Variants in ADAMTS9 observed in about 807,000 individuals in gnomAD.
ADAMTS9 encodes ADAM metallopeptidase with thrombospondin type 1 motif 9.
In ADAMTS9, 107 loss-of-function variants were observed where a neutral mutation model predicts 257.1. The ratio of observed to expected loss-of-function variants is 0.42; its 90% CI spans 0.36 to 0.49. The LOEUF is 0.49. Among genes scored for constraint, ADAMTS9 ranks in the 20% least tolerant of loss-of-function variants. ADAMTS9 has a pLI of 0.03. For synonymous variants in ADAMTS9, 982 were observed against 880.9 expected (o/e 1.11, Z -2.03); for missense variants, 2,353 against 2,469.1 (o/e 0.95, Z 1.00).
At chr3:64,589,339 C>T (rs2084217113) in intron 28 of ADAMTS9, 2 of 152,170 alleles carry the variant, frequency 1.3e-5, no homozygotes, top group African/African-American at 4.8e-5. Context: ...GTTTTAGGCA[C>T]ATCCTTTATG....
At chr3:64,606,257 T>C (rs1014504005) in intron 23 of ADAMTS9, among the ~76,000 whole-genome samples, 3 of 152,240 alleles carry the variant, frequency 2.0e-5, no homozygotes, top group Non-Finnish European at 4.4e-5. Context: ...TCTCCATTAC[T>C]TTCTTAAGTC....
chr3:64,657,467 C>T (rs1485988641), intron 4 of ADAMTS9, among the ~76,000 whole-genome samples: 1 of 151,766 alleles, frequency 6.6e-6, no homozygotes, highest in Non-Finnish European at 1.5e-5. Context: ...TCCCGAGCAC[C>T]TGAGCCTACT....
intron 28 of ADAMTS9, among the ~76,000 whole-genome samples, chr3:64,570,811 T>C (rs532748554): frequency 6.6e-6 from 1 of 151,702 alleles, no homozygotes; most frequent in South Asian, 2.1e-4. Flanking sequence ...GTTTCTGGTT[T>C]GGGCAATTGG....
chr3:64,678,834 G>A lies in ADAMTS9; in HGVS notation c.679+2367C>T, dbSNP rs372993461. On this transcript the variant is annotated intron_variant, in intron 3 of 39. Coordinates refer to ENST00000498707, the MANE Select transcript of ADAMTS9 (RefSeq NM_182920.2). ...GAAGCTGCATCTGAATTCAAAGAAGGGGTGCAGAAGTAGCTGGAAGAGAGA... is the reference window on the plus strand; with the variant it reads ...GAAGCTGCATCTGAATTCAAAGAAGAGGTGCAGAAGTAGCTGGAAGAGAGA... Among the ~76,000 whole-genome samples the A allele has an allele frequency of 2.4e-4, 37 of 152,292 alleles. No individual in the cohort carries two copies. The East Asian group carries it at 3.9e-3, about 16-fold the overall frequency.
rs190130240 is a variant in ADAMTS9, at chr3:64,632,698, A to G, written c.2176-773T>C. On this transcript the variant is annotated intron_variant, in intron 14 of 39. Transcript: ENST00000498707. ...GAACTAATCTTTGAGGAAAAACTCA[A>G]TGTGTTGCTGTGAAATGGACAGACA... is the stretch of plus-strand genomic sequence containing the variant. Among the ~76,000 whole-genome samples, 7 of 152,326 alleles carry G rather than the reference A, an allele frequency of 4.6e-5. No homozygotes were observed. The East Asian group carries it at 1.4e-3, about 29-fold the overall frequency.
intron 28 of ADAMTS9, among the ~76,000 whole-genome samples, chr3:64,581,622 G>A (rs1270560452): frequency 2.6e-5 from 4 of 152,126 alleles, no homozygotes; most frequent in African/African-American, 4.8e-5. Context: ...TAGAATTACC[G>A]GTAAGATTAC....
In ADAMTS9 at chr3:64,602,001, G is replaced by T; in HGVS notation, c.3960C>A (p.Ser1320Arg). Reference sequence around the variant, plus strand: ...CACCGAGCACATGGGTGCGGCTGGGGCTGGCGCTCCGGGGACGATAGTCCT... The same window carrying T: ...CACCGAGCACATGGGTGCGGCTGGGTCTGGCGCTCCGGGGACGATAGTCCT... ...QNEDYRPRSA[S>R]PSRTHVLGGN... The change falls in exon 26 of 40, where the codon AGC (serine) becomes AGA (arginine). Residue 1320 changes from serine (S) to arginine (R), a missense_variant. This residue lies in a region of ADAMTS9 where 1,402 missense variants were observed against 1,441.4 expected (regional missense o/e 0.97). Coordinates refer to ENST00000498707, the MANE Select transcript of ADAMTS9 (RefSeq NM_182920.2). 1.2e-6 allele frequency: 2 copies of T among 1,614,014 alleles called. No individual in the cohort carries two copies. The highest frequency in any genetic ancestry group is 1.7e-6 in the Non-Finnish European group (2 of 1,179,940).
At chr3:64,550,843 T>C (rs773211920) in intron 31 of ADAMTS9, 49 bp downstream of exon 31, 3 of 1,606,656 alleles carry the variant, frequency 1.9e-6, no homozygotes, top group South Asian at 2.2e-5. Flanking sequence ...CCTCTGCCAC[T>C]CTCAGGCCAT....
chr3:64,686,548 G>A lies in ADAMTS9; in HGVS notation c.516+20C>T. On this transcript the variant is annotated intron_variant, in intron 2 of 39. Transcript: ENST00000498707. This position sits in a 1 kb window ranked among gnomAD's most constrained non-coding sequence, Gnocchi z 4.6. The stretch of plus-strand genomic sequence containing the variant: ...GGCGAGGAGGCGGAAGGGGAGAGGA[G>A]GTGGCGCGCGCCCACTTACCATTCC... The A allele has an allele frequency of 6.3e-7, 1 of 1,579,210 alleles. No homozygotes were observed. The highest frequency in any genetic ancestry group is 8.6e-7 in the Non-Finnish European group (1 of 1,161,758).
intron 25 of ADAMTS9, 137 bp from the exon 26 acceptor site, chr3:64,602,350 C>T (rs557984295): frequency 3.2e-6 from 3 of 929,156 alleles, no homozygotes; most frequent in African/African-American, 1.7e-5. Flanking sequence ...ACCCTTGTCT[C>T]CTCTTTTTTT....
At chr3:64,619,714 A>C (rs1700058678) in intron 19 of ADAMTS9, among the ~76,000 whole-genome samples, 3 of 152,274 alleles carry the variant, frequency 2.0e-5, no homozygotes, top group South Asian at 4.2e-4. Context: ...GGTTGACTCT[A>C]TTACCATAAC....
intron 4 of ADAMTS9, among the ~76,000 whole-genome samples, chr3:64,658,097 G>A (rs2106968120): frequency 6.6e-6 from 1 of 152,124 alleles, no homozygotes; most frequent in South Asian, 2.1e-4. Flanking sequence ...AAAAAGCATT[G>A]GTTTTCGGAA....
chr3:64,631,351 A>G (rs759409747), intron 16 of ADAMTS9, 104 bp downstream of exon 16: 77 of 879,028 alleles, frequency 8.8e-5, no homozygotes, highest in Non-Finnish European at 1.4e-4. Flanking sequence ...AAAATCCATG[A>G]CATCTGAAAG....
At chr3:64,628,174 G>A (rs1260933448) in intron 16 of ADAMTS9, among the ~76,000 whole-genome samples, 1 of 152,164 alleles carries the variant, frequency 6.6e-6, no homozygotes, top group Non-Finnish European at 1.5e-5. Context: ...CAGATTGCCT[G>A]TGCCAGATGA....
At position 64,604,265 on chromosome 3, in the gene ADAMTS9, C is replaced by T. The variant is rs960723747; in HGVS notation, c.3541G>A (p.Ala1181Thr). 2 of 1,613,610 alleles carry T rather than the reference C, an allele frequency of 1.2e-6. No individual in the cohort carries two copies. The highest frequency in any genetic ancestry group is 1.7e-6 in the Non-Finnish European group (2 of 1,179,858). The change falls in exon 24 of 40, where the codon GCA becomes ACA. Residue 1181 changes from alanine (A) to threonine (T), a missense_variant. Around this residue, in one of 3 missense-constraint regions of ADAMTS9, gnomAD observed 1,402 missense variants for 1,441.4 expected, o/e 0.97. Coordinates refer to ENST00000498707, the MANE Select transcript of ADAMTS9 (RefSeq NM_182920.2). ...CCAAATCGCCACTGGGTTCTTGGTGCACTGTATGTGCTTCTCCTCGTTTCC... is the reference window on the plus strand; with the variant it reads ...CCAAATCGCCACTGGGTTCTTGGTGTACTGTATGTGCTTCTCCTCGTTTCC... The part of the protein sequence containing the change: ...APETRRSTYS[A>T]PRTQWRFGSW...
chr3:64,641,681 G>T (rs551174691), intron 12 of ADAMTS9, among the ~76,000 whole-genome samples, 167 bp downstream of exon 12: 1 of 151,998 alleles, frequency 6.6e-6, no homozygotes, highest in African/African-American at 2.4e-5. Flanking sequence ...ACAGGGGGAA[G>T]TGCCTGGGAA....
chr3:64,538,448 T>A (rs773424204), intron 37 of ADAMTS9, among the ~76,000 whole-genome samples: 1 of 151,730 alleles, frequency 6.6e-6, no homozygotes, highest in African/African-American at 2.4e-5. Context: ...CTGAAAAATT[T>A]AGGAAACCCG....
In ADAMTS9 at chr3:64,686,637, G is replaced by C; in HGVS notation, c.447C>G (p.His149Gln). 1.2e-6 allele frequency: 2 copies of C among 1,614,136 alleles called. No homozygotes were observed. Among genetic ancestry groups the C allele is most frequent in the Non-Finnish European group, 1.7e-6 (2 of 1,180,016 alleles). The stretch of plus-strand genomic sequence containing the variant: ...TATTGACATAGCCTTTGTAGAAACA[G>C]TGCTTGAGTTCCGCTTCCTCTTCGG... ...FYSEEEAELKHCFYKGYVNTN... is the reference protein window; with the variant it reads ...FYSEEEAELKQCFYKGYVNTN... The change falls in exon 2 of 40, where the codon CAC becomes CAG. Residue 149 changes from histidine (H) to glutamine (Q), a missense_variant. This residue lies in a region of ADAMTS9 where 591 missense variants were observed against 569.6 expected (regional missense o/e 1.04). Transcript: ENST00000498707. This position sits in a 1 kb window ranked among gnomAD's most constrained non-coding sequence, Gnocchi z 4.6.
intron 3 of ADAMTS9, among the ~76,000 whole-genome samples, chr3:64,679,096 A>G (rs1437172150): frequency 1.3e-5 from 2 of 152,152 alleles, no homozygotes; most frequent in African/African-American, 4.8e-5. Flanking sequence ...TAACTAACGC[A>G]TCTTCATTGT....
Sources: gnomAD v4.1 joint callset for allele counts (sites outside exome capture counted in the v4.1 genomes callset) on GRCh38, gnomAD v4.1.1 for gene constraint, gnomAD v4.1.1 regional missense constraint, Gnocchi (gnomAD v3.1) non-coding constraint, MANE v1.5 for transcripts, NCBI Gene and HGNC (gene_info 2026-07-23, HGNC 2026-07-21) for gene names.